Variants in KIF26B observed in about 807,000 individuals in gnomAD.
KIF26B encodes kinesin-like protein KIF26B.
Under a neutral mutation model 151.2 loss-of-function variants are expected in KIF26B, and 63 were observed. The observed-to-expected ratio is 0.42, with a 90% CI of 0.34 to 0.51. The LOEUF is 0.51. KIF26B is among the 20% of genes least tolerant of loss of function. The pLI is 0.07. For synonymous variants in KIF26B, 1,357 were observed against 1,262.1 expected, an observed-to-expected ratio of 1.08 and a Z score of -1.59; for missense variants, 2,813 against 2,913.6, an observed-to-expected ratio of 0.97 and a Z score of 0.79.
At chr1:245,524,698 A>G (rs1661199977) in intron 4 of KIF26B, among the ~76,000 whole-genome samples, 1 of 152,258 alleles carries the variant, frequency 6.6e-6, no homozygotes, top group South Asian at 2.1e-4. Context: ...TCTTAGCTTC[A>G]TAATTCAGTC....
chr1:245,312,193 C>T (rs537753942), intron 2 of KIF26B, among the ~76,000 whole-genome samples: 39 of 152,214 alleles, frequency 2.6e-4, no homozygotes, highest in African/African-American at 8.2e-4. Context: ...TCCCTTCCCG[C>T]CAGGTAAATA....
chr1:245,501,794 G>A (rs561032389), intron 4 of KIF26B, among the ~76,000 whole-genome samples: 4 of 152,278 alleles, frequency 2.6e-5, no homozygotes, highest in Admixed American at 2.0e-4. Context: ...ACGGAGGACC[G>A]TTGGGCCTTT....
At chr1:245,207,481 G>A (rs990527795) in intron 2 of KIF26B, among the ~76,000 whole-genome samples, 9 of 152,094 alleles carry the variant, frequency 5.9e-5, no homozygotes, top group Admixed American at 1.3e-4. Context: ...TAGCAGACGT[G>A]GGCTCTGTAG....
At chr1:245,180,156 C>T (rs1668879233) in intron 2 of KIF26B, among the ~76,000 whole-genome samples, 1 of 152,240 alleles carries the variant, frequency 6.6e-6, no homozygotes, top group Admixed American at 6.5e-5. Context: ...GCTTTTGAAA[C>T]ATTTGGCTTC....
At chr1:245,500,255 G>A (rs1394723458) in intron 4 of KIF26B, among the ~76,000 whole-genome samples, 3 of 152,186 alleles carry the variant, frequency 2.0e-5, no homozygotes, top group African/African-American at 7.2e-5. Flanking sequence ...GACTGGCTGA[G>A]CCCTGGGAGT....
At chr1:245,207,743 C>G (rs970819050) in intron 2 of KIF26B, among the ~76,000 whole-genome samples, 1 of 152,148 alleles carries the variant, frequency 6.6e-6, no homozygotes, top group Non-Finnish European at 1.5e-5. Context: ...TTTCCACTTT[C>G]CACCACCCAC....
At position 245,560,281 on chromosome 1, in the gene KIF26B, G is replaced by A. The variant is rs1426613087; in HGVS notation, c.1350+19331G>A. Among the ~76,000 whole-genome samples, 1 of 152,164 alleles carries A rather than the reference G, an allele frequency of 6.6e-6. No homozygotes were observed. Among genetic ancestry groups the A allele is most frequent in the Non-Finnish European group, 1.5e-5 (1 of 68,034 alleles). On this transcript the variant is annotated intron_variant, in intron 5 of 14. Coordinates refer to ENST00000407071, the MANE Select transcript of KIF26B (RefSeq NM_018012.4). This position sits in a 1 kb window ranked among gnomAD's most constrained non-coding sequence, Gnocchi z 4.3. The stretch of plus-strand genomic sequence containing the variant: ...AGGGACTTTTTCCCTTTTGGAAGGA[G>A]ACCCAGATACCCTCCAGACATAGGT...
intron 4 of KIF26B, among the ~76,000 whole-genome samples, chr1:245,477,936 C>A (rs1660077533): frequency 1.3e-5 from 2 of 151,698 alleles, no homozygotes; most frequent in South Asian, 4.2e-4. Context: ...ACTGTGCAAG[C>A]AGAACATTTT....
intron 4 of KIF26B, among the ~76,000 whole-genome samples, chr1:245,471,798 T>C (rs930394827): frequency 2.6e-5 from 4 of 151,942 alleles, no homozygotes; most frequent in African/African-American, 9.7e-5. Context: ...ATCTTACTTT[T>C]TTTTTTTTTT....
chr1:245,564,454 A>G lies in KIF26B; in HGVS notation c.1350+23504A>G, dbSNP rs534254160. On this transcript the variant is annotated intron_variant, in intron 5 of 14. Coordinates refer to ENST00000407071, the MANE Select transcript of KIF26B (RefSeq NM_018012.4). The surrounding 1 kb of genome is among the most constrained non-coding windows in gnomAD (Gnocchi z 4.6). Reference sequence around the variant, plus strand: ...CACTGTGGTTTGTTCTCCCCGTTCAAGTGTTGCTGACTGGTGGGGAGGGAC... The same window carrying G: ...CACTGTGGTTTGTTCTCCCCGTTCAGGTGTTGCTGACTGGTGGGGAGGGAC... Among the ~76,000 whole-genome samples, 4 of 152,282 alleles carry G rather than the reference A, an allele frequency of 2.6e-5. No homozygotes were observed. In the South Asian group the frequency reaches 6.2e-4, roughly 24 times the overall value.
intron 4 of KIF26B, among the ~76,000 whole-genome samples, chr1:245,514,402 G>A (rs1055669170): frequency 7.9e-5 from 12 of 151,972 alleles, no homozygotes; most frequent in East Asian, 1.9e-4. Context: ...GGTGGCGGGC[G>A]TCTGTAGTCC....
Position 245,210,772 on chromosome 1 carries a change from C to T in KIF26B, c.465+54089C>T, listed in dbSNP as rs191535268. On this transcript the variant is annotated intron_variant, in intron 2 of 14. Coordinates refer to ENST00000407071, the MANE Select transcript of KIF26B (RefSeq NM_018012.4). ...ATCAGCCAGTTCCAAGTGCAGGGAC[C>T]AAGGACATTCCCAAGCCCGTCCTCA... Among the ~76,000 whole-genome samples, 43 of 152,156 alleles carry T rather than the reference C, an allele frequency of 2.8e-4. 1 individual carries two copies. The East Asian group carries it at 6.6e-3, about 23-fold the overall frequency.
chr1:245,682,963 C>T (rs2044458803), intron 10 of KIF26B, among the ~76,000 whole-genome samples: 2 of 152,196 alleles, frequency 1.3e-5, no homozygotes, highest in Non-Finnish European at 2.9e-5. Context: ...CATCACTGGT[C>T]ATTTTGCTGG....
chr1:245,679,852 G>C (rs1441342354), intron 10 of KIF26B, among the ~76,000 whole-genome samples: 1 of 152,054 alleles, frequency 6.6e-6, no homozygotes, highest in Non-Finnish European at 1.5e-5. Context: ...TGAAAGAGCG[G>C]TGCGGTCCTT....
At chr1:245,249,493 T>C (rs1411723260) in intron 2 of KIF26B, among the ~76,000 whole-genome samples, 5 of 139,096 alleles carry the variant, frequency 3.6e-5, no homozygotes, top group Non-Finnish European at 7.8e-5. Flanking sequence ...TAATCTATTT[T>C]TTTTTTTTTT....
chr1:245,519,411 A>C (rs1002613899), intron 4 of KIF26B, among the ~76,000 whole-genome samples: 1 of 152,060 alleles, frequency 6.6e-6, no homozygotes, highest in South Asian at 2.1e-4. Context: ...AAAATTAGCC[A>C]GGTGTGATGG....
intron 4 of KIF26B, among the ~76,000 whole-genome samples, chr1:245,444,990 G>C (rs1558168568): frequency 6.6e-6 from 1 of 152,182 alleles, no homozygotes; most frequent in Non-Finnish European, 1.5e-5. Flanking sequence ...CTGTGTTAGG[G>C]AGTCTGGGGA....
At chr1:245,470,666 G>A (rs1183735148) in intron 4 of KIF26B, among the ~76,000 whole-genome samples, 7 of 152,068 alleles carry the variant, frequency 4.6e-5, no homozygotes, top group Non-Finnish European at 1.0e-4. Context: ...TCCTGACCTT[G>A]TGATCTGCCC....
intron 4 of KIF26B, among the ~76,000 whole-genome samples, chr1:245,479,127 C>T (rs188803523): frequency 5.3e-5 from 8 of 151,746 alleles, no homozygotes; most frequent in Admixed American, 4.6e-4. Flanking sequence ...AGGAAGCAGC[C>T]TGGGCTGCAG....
Sources: allele counts gnomAD v4.1 joint callset (sites outside exome capture counted in the v4.1 genomes callset), GRCh38; gene constraint gnomAD v4.1.1; non-coding constraint Gnocchi (gnomAD v3.1); transcripts MANE v1.5; gene names NCBI Gene and HGNC (gene_info 2026-07-23, HGNC 2026-07-21).